Variants in SYCE1 observed in about 807,000 individuals in gnomAD.
The protein encoded by SYCE1 is synaptonemal complex central element protein 1.
A neutral mutation model predicts 55.1 loss-of-function variants in SYCE1; 37 were observed. The ratio of observed to expected loss-of-function variants is 0.67; its 90% CI spans 0.52 to 0.88. The LOEUF (loss-of-function observed/expected upper bound fraction) is 0.88, where lower values mean the gene tolerates loss of function less well. SYCE1 is among the 40% of genes least tolerant of loss of function. The pLI is 0.00. For missense variants in SYCE1, 399 were observed against 416.4 expected (o/e 0.96, Z 0.36); for synonymous variants, 163 against 159.4 (o/e 1.02, Z -0.17).
chr10:133,560,345 G>T, intron 1 of SYCE1, 192 bp from the exon 2 acceptor site: 3 of 500,810 alleles, frequency 6.0e-6, no homozygotes, highest in East Asian at 3.3e-5. Flanking sequence ...AATTATACCA[G>T]ATATCCTCTT....
intron 1 of SYCE1, among the ~76,000 whole-genome samples, chr10:133,562,968 CAGGCCA>C (rs57932873): frequency 0.75 from 113,142 of 151,490 alleles, 44,993 homozygotes; most frequent in Non-Finnish European, 0.89. Context: ...AACCATATCA[CAGGCCA>C]AGGCCAAGGC....
Position 133,558,900 on chromosome 10 carries a change from G to A in SYCE1, c.248C>T (p.Ala83Val), listed in dbSNP as rs183273351. 1.2e-6 allele frequency: 2 copies of A among 1,613,304 alleles called. No individual in the cohort carries two copies. Among genetic ancestry groups the A allele is most frequent in the East Asian group, 4.5e-5 (2 of 44,862 alleles). The stretch of plus-strand genomic sequence containing the variant: ...ACGCGAGTCCAGTTCCTTCTGCAGG[G>A]CCTCACAGATGGTCCGGGCCTCTCC... ...DLGEARTICEALQKELDSLHG... is the reference protein window; with the variant it reads ...DLGEARTICEVLQKELDSLHG... Residue 83 changes from alanine to valine, a missense_variant, in exon 4 of 13, where the codon GCC becomes GTC. By Grantham distance (64) the Ala-to-Val change is moderately conservative (BLOSUM62 0). Transcript: ENST00000343131.
intron 1 of SYCE1, chr10:133,560,906 T>C (rs761038906): frequency 6.6e-6 from 1 of 152,204 alleles, no homozygotes; most frequent in Non-Finnish European, 1.5e-5. Flanking sequence ...GCATATCTGA[T>C]TGCCTCCTTT....
chr10:133,559,479 G>A, intron 2 of SYCE1, 119 bp from the exon 3 acceptor site: 6 of 968,852 alleles, frequency 6.2e-6, no homozygotes, highest in Non-Finnish European at 9.8e-6. Context: ...GCAAGCAGGT[G>A]CTCTGTGGGG....
upstream of SYCE1, among the ~76,000 whole-genome samples, chr10:133,566,971 G>T (rs1241762024): frequency 6.6e-6 from 1 of 151,750 alleles, no homozygotes. Context: ...GTGGGGTAGT[G>T]GTAGGTTTAG....
intron 3 of SYCE1, 160 bp downstream of exon 3, chr10:133,559,141 A>C: frequency 1.1e-6 from 1 of 917,912 alleles, no homozygotes; most frequent in South Asian, 1.6e-5. Flanking sequence ...TAACTATGGC[A>C]GTCGCATGCT....
chr10:133,565,452 A>C lies in SYCE1; in HGVS notation c.73+5T>G. On this transcript the variant is annotated splice_donor_5th_base_variant and intron_variant, in intron 1 of 12. Transcript: ENST00000343131. ...CACGCACAGTTCCCTGCCTCCCACC[A>C]CTACCTCCGGCCTTCTCAGCCCTGT... 1.3e-6 allele frequency: 2 copies of C among 1,546,156 alleles called. No individual in the cohort carries two copies. Among genetic ancestry groups the C allele is most frequent in the Non-Finnish European group, 1.7e-6 (2 of 1,145,018 alleles).
rs894051647 is a variant in SYCE1, at chr10:133,558,164, T to C, written c.319+3A>G. 6 of 1,614,134 alleles carry C rather than the reference T, an allele frequency of 3.7e-6. No individual in the cohort carries two copies. The highest frequency in any genetic ancestry group is 5.1e-6 in the Non-Finnish European group (6 of 1,180,014). On this transcript the variant is annotated splice_donor_region_variant and intron_variant, in intron 5 of 12. Transcript: ENST00000343131. ...AGCCTGGAGACAGGGGAGCGGCAAATACCTTGTTTTTTGCTCAAGATCTCC... is the reference window on the plus strand; with the variant it reads ...AGCCTGGAGACAGGGGAGCGGCAAACACCTTGTTTTTTGCTCAAGATCTCC...
At position 133,560,144 on chromosome 10, in the gene SYCE1, G is replaced by A. The variant is rs199692209; in HGVS notation, c.83C>T (p.Thr28Met). Reference sequence around the variant, plus strand: ...CAAGTCTTCAATTTTCTGTGAGGACGTGTCCTGCCCTGTGGAGACAAAACC... The same window carrying A: ...CAAGTCTTCAATTTTCTGTGAGGACATGTCCTGCCCTGTGGAGACAAAACC... ...DRAEKAGGQDTSSQKIEDLME... is the reference protein window; with the variant it reads ...DRAEKAGGQDMSSQKIEDLME... The change falls in exon 2 of 13, where the codon ACG becomes ATG. Residue 28 changes from threonine to methionine, a missense_variant. By Grantham distance (81) the Thr-to-Met change is moderately conservative. Transcript: ENST00000343131. 1.9e-4 allele frequency: 311 copies of A among 1,613,676 alleles called. 2 individuals are homozygous for A. Among genetic ancestry groups the A allele is most frequent in the Admixed American group, 3.0e-4 (18 of 59,986 alleles).
chr10:133,557,741 G>T, intron 6 of SYCE1, 123 bp downstream of exon 6: 1 of 1,113,112 alleles, frequency 9.0e-7, no homozygotes, highest in Non-Finnish European at 1.3e-6. Context: ...GACATTCTTT[G>T]GACTCTCCAT....
intron 1 of SYCE1, among the ~76,000 whole-genome samples, chr10:133,562,615 T>C (rs1851842418): frequency 6.6e-6 from 1 of 152,192 alleles, no homozygotes; most frequent in Non-Finnish European, 1.5e-5. Context: ...AACTGTTTGC[T>C]TTTGTATTGT....
chr10:133,565,203 G>A lies in SYCE1; in HGVS notation c.73+254C>T, dbSNP rs141451104. 5.7e-3 allele frequency among the ~76,000 whole-genome samples: 870 copies of A among 152,310 alleles called. 4 individuals carry two copies. Among genetic ancestry groups the A allele is most frequent in the Non-Finnish European group, 8.5e-3 (576 of 68,026 alleles). ...TGTAAAGTCTGTGGGACAACGGGAA[G>A]GGATGTCTTTTGACTAATTACCTAA... On this transcript the variant is annotated intron_variant, in intron 1 of 12. Transcript: ENST00000343131.
intron 7 of SYCE1, 21 bp from the exon 8 acceptor site, chr10:133,556,843 T>A: frequency 6.2e-7 from 1 of 1,600,184 alleles, no homozygotes; most frequent in Non-Finnish European, 8.5e-7. Flanking sequence ...ACCACAGGCA[T>A]GAGGGGATAT....
chr10:133,556,792 C>G lies in SYCE1; in HGVS notation c.495G>C (p.Leu165=). The G allele has an allele frequency of 6.3e-7, 1 of 1,575,598 alleles. No individual in the cohort carries two copies. The highest frequency in any genetic ancestry group is 8.6e-7 in the Non-Finnish European group (1 of 1,160,478). The part of the protein sequence containing the change: ...RLAFEEQLED[L]MGQHKDLWDF... ...CCCAGAGGTCCTTGTGCTGGCCCAT[C>G]AGATCTTCCAGCTGTTCCTCGAATG... The change falls in exon 8 of 13, where the codon CTG becomes CTC. Residue 165 remains leucine, a synonymous_variant. Coordinates refer to ENST00000343131, the MANE Select transcript of SYCE1 (RefSeq NM_001143764.3).
chr10:133,564,459 G>C, intron 1 of SYCE1: 1 of 984,688 alleles, frequency 1.0e-6, no homozygotes, highest in Non-Finnish European at 1.2e-6. Flanking sequence ...CTAGCACACC[G>C]GCGGGCCAGC....
rs8181356 is a variant in SYCE1, at chr10:133,557,129, C to T, written c.402G>A (p.Lys134=). ...HRKHTMLQEC[K]ERISALNLQI... The stretch of plus-strand genomic sequence containing the variant: ...GCAAGTTCAGGGCAGAAATTCTCTC[C>T]TTGCACTCCTGCAACATGGTGTGCT... The change falls in exon 7 of 13, where the codon AAG becomes AAA. Residue 134 remains lysine, a synonymous_variant. Transcript: ENST00000343131. 0.11 allele frequency: 174,782 copies of T among 1,611,798 alleles called. 11,021 individuals carry two copies. Among genetic ancestry groups the T allele is most frequent in the East Asian group, 0.27 (11,885 of 44,816 alleles).
intron 1 of SYCE1, chr10:133,560,687 C>G (rs1434731743): frequency 1.3e-5 from 2 of 152,096 alleles, no homozygotes; most frequent in African/African-American, 4.8e-5. Context: ...CTATTGGAAC[C>G]TATTTTTAAC....
Position 133,558,388 on chromosome 10 carries a change from A to G in SYCE1, c.272-174T>C, listed in dbSNP as rs984158877. The G allele has an allele frequency of 4.2e-5, 29 of 692,502 alleles. No individual in the cohort carries two copies. In the South Asian group the frequency reaches 5.1e-4, roughly 12 times the overall value. 42.9% of individuals were successfully genotyped at this position (692,502 alleles called of 1,614,324 possible). On this transcript the variant is annotated intron_variant, in intron 4 of 12. Transcript: ENST00000343131. ...TGCCCACATTCCTTGTAAGCACCAA[A>G]GGGCCTTCACATTTACAGAGGGTGG...
At chr10:133,554,474 T>C (rs1564854234), downstream of SYCE1, 1 of 772,240 alleles carries the variant, frequency 1.3e-6, no homozygotes, top group Non-Finnish European at 2.3e-6. Context: ...ACTTACATCC[T>C]AGTTGATTGA....
Sources: gnomAD v4.1 joint callset for allele counts (sites outside exome capture counted in the v4.1 genomes callset) on GRCh38, gnomAD v4.1.1 for gene constraint, MANE v1.5 for transcripts, NCBI Gene and HGNC (gene_info 2026-07-23, HGNC 2026-07-21) for gene names.